The following ORC5 variants were observed in gnomAD, a reference collection of about 807,000 sequenced individuals.
ORC5 encodes protein phosphatase 1, regulatory subunit 117.
In ORC5, 39 loss-of-function variants were observed where a neutral mutation model predicts 58.8. The ratio of observed to expected loss-of-function variants is 0.66; its 90% CI spans 0.51 to 0.87. The LOEUF is 0.87. ORC5 is among the 40% of genes least tolerant of loss of function. The pLI is 0.00. For missense variants in ORC5, 493 were observed against 506.3 expected, an observed-to-expected ratio of 0.97 and a Z score of 0.25; for synonymous variants, 218 against 177.6, an observed-to-expected ratio of 1.23 and a Z score of -1.81.
In ORC5 at chr7:104,200,975, A is replaced by G; in HGVS notation, c.166-17T>C. ...ATGTGGGAGCTGAAAACGAAAACCA[A>G]AACACTGTAAGTAAAGAAGAAAACA... On this transcript the variant is annotated splice_polypyrimidine_tract_variant and intron_variant, in intron 2 of 13. Transcript: ENST00000297431. The G allele has an allele frequency of 6.3e-7, 1 of 1,596,852 alleles. No homozygotes were observed. Among genetic ancestry groups the G allele is most frequent in the Non-Finnish European group, 8.6e-7 (1 of 1,167,262 alleles).
chr7:104,179,074 T>C (rs932875250), intron 8 of ORC5, among the ~76,000 whole-genome samples: 3 of 151,570 alleles, frequency 2.0e-5, no homozygotes, highest in African/African-American at 7.3e-5. Flanking sequence ...TATAAAGATG[T>C]ATTTTTGGTA....
intron 5 of ORC5, among the ~76,000 whole-genome samples, chr7:104,190,977 G>T (rs979276404): frequency 1.5e-4 from 22 of 151,270 alleles, no homozygotes; most frequent in African/African-American, 5.3e-4. Flanking sequence ...CAGAAGTTTA[G>T]AAATAGCTCT....
intron 8 of ORC5, among the ~76,000 whole-genome samples, chr7:104,179,548 T>C (rs1799392670): frequency 1.3e-5 from 2 of 152,122 alleles, no homozygotes. Flanking sequence ...AGTTTTTTTT[T>C]TTCCTAAGTA....
chr7:104,191,427 C>G (rs527725023), intron 5 of ORC5, among the ~76,000 whole-genome samples: 1 of 152,026 alleles, frequency 6.6e-6, no homozygotes, highest in Non-Finnish European at 1.5e-5. Flanking sequence ...CTAAGAAAAT[C>G]TGGAAAACAG....
intron 8 of ORC5, among the ~76,000 whole-genome samples, chr7:104,172,873 T>C (rs1799240151): frequency 6.6e-6 from 1 of 152,150 alleles, no homozygotes; most frequent in Non-Finnish European, 1.5e-5. Context: ...CAAATGTCGA[T>C]TTATAACGGT....
chr7:104,172,402 GAGTAAT>G (rs1221261139), intron 8 of ORC5, among the ~76,000 whole-genome samples: 1 of 152,136 alleles, frequency 6.6e-6, no homozygotes, highest in Admixed American at 6.5e-5. Context: ...AAAGGAAAAG[GAGTAAT>G]AGTATCTTTG....
intron 13 of ORC5, among the ~76,000 whole-genome samples, chr7:104,134,052 C>A (rs1376628110): frequency 6.6e-6 from 1 of 152,084 alleles, no homozygotes; most frequent in Non-Finnish European, 1.5e-5. Context: ...TGGCTTCAAC[C>A]TTGTTCTGTG....
intron 12 of ORC5, among the ~76,000 whole-genome samples, chr7:104,142,386 C>T (rs1219205381): frequency 6.6e-6 from 1 of 151,878 alleles, no homozygotes. Context: ...CAAAAATAAA[C>T]AAATGAGACT....
intron 12 of ORC5, among the ~76,000 whole-genome samples, chr7:104,146,198 G>A (rs1456932571): frequency 6.6e-6 from 1 of 152,202 alleles, no homozygotes; most frequent in Non-Finnish European, 1.5e-5. Context: ...CTGAAAAAGT[G>A]AGAAAGTAAA....
rs762714914 is a variant in ORC5, at chr7:104,200,814, G to A, written c.310C>T (p.Arg104Cys). 1.9e-5 allele frequency: 30 copies of A among 1,612,370 alleles called. No individual in the cohort carries two copies. The highest frequency in any genetic ancestry group is 3.3e-5 in the Admixed American group (2 of 59,964). ...ITCETFNDFVRLFKQVTTAEN... is the reference protein window; with the variant it reads ...ITCETFNDFVCLFKQVTTAEN... ...GCTGTGGTTACTTGTTTAAACAAGC[G>A]AACAAAGTCATTAAATGTTTCACAG... Residue 104 changes from arginine (R) to cysteine (C), a missense_variant, in exon 3 of 14, where the codon CGC becomes TGC. Arg to Cys is a radical substitution (Grantham distance 180). Coordinates refer to ENST00000297431, the MANE Select transcript of ORC5 (RefSeq NM_002553.4).
intron 11 of ORC5, 126 bp downstream of exon 11, chr7:104,165,109 T>A: frequency 1.8e-6 from 1 of 569,686 alleles, no homozygotes; most frequent in South Asian, 2.2e-5. Flanking sequence ...TATTACAGTA[T>A]AACGGTACCA....
chr7:104,195,034 C>G, intron 5 of ORC5, 109 bp downstream of exon 5: 2 of 570,744 alleles, frequency 3.5e-6, no homozygotes, highest in Non-Finnish European at 6.1e-6. Context: ...ATTTGAATAT[C>G]AAATGGGAAT....
chr7:104,189,522 T>C (rs1799625923), intron 5 of ORC5, among the ~76,000 whole-genome samples: 1 of 152,040 alleles, frequency 6.6e-6, no homozygotes, highest in Non-Finnish European at 1.5e-5. Flanking sequence ...CCTCCTGTCC[T>C]TGGGAAAAGG....
chr7:104,136,088 T>G lies in ORC5; in HGVS notation c.1262+693A>C, dbSNP rs2299405. ...CAGCTTTCATTTTGACAAATGTACT[T>G]TCTTCCCCAGAACTTCTAACATTCT... On this transcript the variant is annotated intron_variant, in intron 13 of 13. Coordinates refer to ENST00000297431, the MANE Select transcript of ORC5 (RefSeq NM_002553.4). This position sits in a 1 kb window ranked among gnomAD's most constrained non-coding sequence, Gnocchi z 4.2. 0.13 allele frequency among the ~76,000 whole-genome samples: 19,470 copies of G among 152,220 alleles called. 1,559 individuals are homozygous for G. Among genetic ancestry groups the G allele is most frequent in the East Asian group, 0.19 (965 of 5,186 alleles).
chr7:104,173,838 A>ATTTTTTTTTTTTTTT (rs746698932), intron 8 of ORC5, among the ~76,000 whole-genome samples: 2 of 122,756 alleles, frequency 1.6e-5, no homozygotes, highest in Non-Finnish European at 3.5e-5. Flanking sequence ...TGGGTTTAAA[A>ATTTTTTTTTTTTTTT]TTTTTTCTTT....
chr7:104,193,135 A>AT (rs1799713242), intron 5 of ORC5, among the ~76,000 whole-genome samples: 1 of 151,988 alleles, frequency 6.6e-6, no homozygotes, highest in Non-Finnish European at 1.5e-5. Flanking sequence ...AACTCAACAA[A>AT]TCCCCAGCAG....
At chr7:104,206,494 T>C (rs1800087318) in intron 1 of ORC5, among the ~76,000 whole-genome samples, 1 of 152,160 alleles carries the variant, frequency 6.6e-6, no homozygotes, top group Non-Finnish European at 1.5e-5. Flanking sequence ...GTTCCATAGA[T>C]GAAATGCAGA....
rs980345635 is a variant in ORC5, at chr7:104,181,630, GA to G, written c.824+2312del. On this transcript the variant is annotated intron_variant, in intron 8 of 13. Transcript: ENST00000297431. Reference sequence around the variant, plus strand: ...GAAATGCTGTCTCTACTAAAAATACGAAAAAAAAAAATTTAGCCAGGTGTGG... The same window carrying G: ...GAAATGCTGTCTCTACTAAAAATACGAAAAAAAAAATTTAGCCAGGTGTGG... Among the ~76,000 whole-genome samples the G allele has an allele frequency of 1.4e-3, 206 of 148,018 alleles. 1 individual carries two copies. The highest frequency in any genetic ancestry group is 3.9e-3 in the African/African-American group (160 of 40,564).
At chr7:104,188,440 C>T in intron 5 of ORC5, 59 bp from the exon 6 acceptor site, 3 of 1,326,526 alleles carry the variant, frequency 2.3e-6, no homozygotes, top group Non-Finnish European at 3.1e-6. Context: ...ATCATATCTT[C>T]AAGCATTTTA....
Sources: allele counts gnomAD v4.1 joint callset (sites outside exome capture counted in the v4.1 genomes callset), GRCh38; gene constraint gnomAD v4.1.1; non-coding constraint Gnocchi (gnomAD v3.1); transcripts MANE v1.5; gene names NCBI Gene and HGNC (gene_info 2026-07-23, HGNC 2026-07-21).